SLC39A10: variants seen among roughly 807,000 people sequenced by gnomAD.
The protein encoded by SLC39A10 is solute carrier family 39 member 10, also known as zinc transporter ZIP10.
Under a neutral mutation model 65.1 loss-of-function variants are expected in SLC39A10, and 13 were observed. The ratio of observed to expected loss-of-function variants is 0.20; its 90% confidence interval spans 0.13 to 0.32. The LOEUF (loss-of-function observed/expected upper bound fraction) is 0.32. Ranked by LOEUF, SLC39A10 falls within the 10% of genes least tolerant of loss-of-function variation. The probability of loss-of-function intolerance (pLI) is 1.00; values close to 1 mark genes in which losing one functional copy is unlikely to be tolerated. For synonymous variants in SLC39A10, 321 were observed against 342.2 expected, an observed-to-expected ratio of 0.94 and a Z score of 0.68; for missense variants, 831 against 1,018.4, an observed-to-expected ratio of 0.82 and a Z score of 2.50.
intron 1 of SLC39A10, among the ~76,000 whole-genome samples, chr2:195,676,503 A>G (rs901824230): frequency 6.6e-6 from 1 of 151,976 alleles, no homozygotes; most frequent in African/African-American, 2.4e-5. Flanking sequence ...ATTCTCTTAC[A>G]TTTTCTTCTA....
At chr2:195,619,176 G>A (rs1432406511) in intron 2 of SLC39A10, among the ~76,000 whole-genome samples, 1 of 151,774 alleles carries the variant, frequency 6.6e-6, no homozygotes, top group East Asian at 1.9e-4. Context: ...CTTCTAATAC[G>A]GGTAGACCAA....
chr2:195,695,419 C>A (rs1408574263), intron 3 of SLC39A10, among the ~76,000 whole-genome samples: 2 of 152,196 alleles, frequency 1.3e-5, no homozygotes, highest in Non-Finnish European at 2.9e-5. Flanking sequence ...CACTCCCACA[C>A]AACCTGCAGT....
intron 1 of SLC39A10, among the ~76,000 whole-genome samples, chr2:195,669,140 G>A (rs141106435): frequency 1.5e-3 from 220 of 151,264 alleles, no homozygotes; most frequent in African/African-American, 5.1e-3. Context: ...GATTATTTTA[G>A]TATTTATCTG....
At chr2:195,626,459 C>A (rs866662964) in intron 2 of SLC39A10, among the ~76,000 whole-genome samples, 1 of 152,138 alleles carries the variant, frequency 6.6e-6, no homozygotes, top group Non-Finnish European at 1.5e-5. Context: ...TTTCCAATTT[C>A]TTTTTCTCTT....
At position 195,692,127 on chromosome 2, in the gene SLC39A10, TTTTGTTGGC is replaced by T. The variant is rs531175812; in HGVS notation, c.1216+8229_1216+8237del. On this transcript the variant is annotated intron_variant, in intron 3 of 9. Coordinates refer to ENST00000359634, the MANE Select transcript of SLC39A10 (RefSeq NM_020342.3). ...AGGGTGTCCTTTCCCCACTTTATGTTTTTGTTGGCTTTGTTGAAGATCTGTTGGCGTATT... is the reference window on the plus strand; with the variant it reads ...AGGGTGTCCTTTCCCCACTTTATGTTTTTGTTGAAGATCTGTTGGCGTATT... Among the ~76,000 whole-genome samples the T allele has an allele frequency of 3.3e-5, 5 of 152,316 alleles. No individual in the cohort carries two copies. In the South Asian group the frequency reaches 1.0e-3, roughly 32 times the overall value.
intron 3 of SLC39A10, among the ~76,000 whole-genome samples, chr2:195,688,611 A>T (rs1690613299): frequency 6.6e-6 from 1 of 152,180 alleles, no homozygotes; most frequent in Non-Finnish European, 1.5e-5. Flanking sequence ...ACTTAGGAGA[A>T]TAGTAGTAGG....
At chr2:195,729,150 T>A (rs1019109531) in intron 9 of SLC39A10, among the ~76,000 whole-genome samples, 1 of 151,968 alleles carries the variant, frequency 6.6e-6, no homozygotes, top group African/African-American at 2.4e-5. Context: ...ATATTTTTTT[T>A]AAACTTTTTT....
intron 3 of SLC39A10, among the ~76,000 whole-genome samples, chr2:195,693,402 C>T (rs1043936187): frequency 2.0e-5 from 3 of 152,148 alleles, no homozygotes; most frequent in African/African-American, 4.8e-5. Flanking sequence ...AGGATTGGCA[C>T]CAATTCTTTG....
intron 2 of SLC39A10, among the ~76,000 whole-genome samples, chr2:195,651,556 C>A (rs530093322): frequency 6.6e-6 from 1 of 152,232 alleles, no homozygotes; most frequent in South Asian, 2.1e-4. Context: ...CTCACTGCAA[C>A]CTCCATCTCC....
At chr2:195,707,008 A>T (rs1691423837) in intron 4 of SLC39A10, among the ~76,000 whole-genome samples, 1 of 152,126 alleles carries the variant, frequency 6.6e-6, no homozygotes, top group Admixed American at 6.5e-5. Flanking sequence ...TTTAAAAAAA[A>T]CTCATTGGAT....
intron 8 of SLC39A10, among the ~76,000 whole-genome samples, chr2:195,721,591 C>T (rs564898844): frequency 2.0e-5 from 3 of 152,146 alleles, no homozygotes; most frequent in South Asian, 2.1e-4. Context: ...TGCACAGATA[C>T]GACGTCTTAT....
At chr2:195,678,799 A>G (rs1011177802) in intron 1 of SLC39A10, among the ~76,000 whole-genome samples, 2 of 152,118 alleles carry the variant, frequency 1.3e-5, no homozygotes, top group Admixed American at 1.3e-4. Context: ...TCAAAGACAT[A>G]GTATTAAAAA....
chr2:195,634,355 T>C (rs2105699810), intron 2 of SLC39A10, among the ~76,000 whole-genome samples: 1 of 152,364 alleles, frequency 6.6e-6, no homozygotes, highest in East Asian at 1.9e-4. Flanking sequence ...ATTTTTAGTG[T>C]TATATTCTCA....
At chr2:195,614,977 G>A (rs1205281131) in intron 2 of SLC39A10, among the ~76,000 whole-genome samples, 1 of 152,102 alleles carries the variant, frequency 6.6e-6, no homozygotes, top group Non-Finnish European at 1.5e-5. Flanking sequence ...CCTGAGCCTG[G>A]GAGGTCAAAG....
At chr2:195,613,564 TG>T (rs1344138119) in intron 2 of SLC39A10, among the ~76,000 whole-genome samples, 2 of 152,234 alleles carry the variant, frequency 1.3e-5, no homozygotes, top group Non-Finnish European at 2.9e-5. Flanking sequence ...TTTTGTGAAG[TG>T]TTTTATTTTT....
intron 2 of SLC39A10, among the ~76,000 whole-genome samples, chr2:195,637,105 T>G (rs1369074648): frequency 1.3e-5 from 2 of 152,000 alleles, no homozygotes; most frequent in Non-Finnish European, 2.9e-5. Flanking sequence ...ACAGTTAAGG[T>G]GAATGAGAAT....
chr2:195,644,386 G>T (rs1439000982), intron 2 of SLC39A10, among the ~76,000 whole-genome samples: 1 of 149,704 alleles, frequency 6.7e-6, no homozygotes. Flanking sequence ...CTGTTGCCCA[G>T]GCTGGAGTGC....
At chr2:195,632,953 G>C (rs1038098388) in intron 2 of SLC39A10, among the ~76,000 whole-genome samples, 1 of 152,116 alleles carries the variant, frequency 6.6e-6, no homozygotes, top group African/African-American at 2.4e-5. Context: ...CCTTTATAAC[G>C]GGGACTAGAT....
At chr2:195,712,624 T>A (rs1691641594) in intron 5 of SLC39A10, among the ~76,000 whole-genome samples, 1 of 152,180 alleles carries the variant, frequency 6.6e-6, no homozygotes, top group Non-Finnish European at 1.5e-5. Flanking sequence ...TTAGCATACA[T>A]TAGAAGCAGA....
Sources: gnomAD v4.1 joint callset for allele counts (sites outside exome capture counted in the v4.1 genomes callset) on GRCh38, gnomAD v4.1.1 for gene constraint, MANE v1.5 for transcripts, NCBI Gene and HGNC (gene_info 2026-07-23, HGNC 2026-07-21) for gene names.